EPO: variants seen among roughly 807,000 people sequenced by gnomAD.
The protein encoded by EPO is erythropoietin.
Under a neutral mutation model 24.4 loss-of-function variants are expected in EPO, and 12 were observed. The ratio of observed to expected loss-of-function variants is 0.49; its 90% CI spans 0.32 to 0.80. The LOEUF (loss-of-function observed/expected upper bound fraction) is 0.80, where lower values mean the gene tolerates loss of function less well. Ranked by LOEUF, EPO falls within the 30% of genes least tolerant of loss-of-function variation. EPO has a pLI of 0.04. For missense variants in EPO, 210 were observed against 238.0 expected (o/e 0.88, Z 0.77); for synonymous variants, 107 against 104.0 (o/e 1.03, Z -0.18).
rs529387268 is a variant in EPO, at chr7:100,721,816, A to G, written c.159+113A>G. 11 of 1,502,314 alleles carry G rather than the reference A, an allele frequency of 7.3e-6. No homozygotes were observed. In the African/African-American group the frequency reaches 1.3e-4, roughly 17 times the overall value. 93.1% of individuals were successfully genotyped at this position (1,502,314 alleles called of 1,614,324 possible). A position where few individuals can be genotyped will look rare whatever the true frequency, so the allele number is the denominator to read the frequency against. ...TTGGGGTGGAGTTGGGAAGCTAGAC[A>G]CTGCCCCCCTACATAAGAATAAGTC... On this transcript the variant is annotated intron_variant, in intron 2 of 4. Transcript: ENST00000252723. The surrounding 1 kb of genome is among the most constrained non-coding windows in gnomAD (Gnocchi z 4.0).
In EPO at chr7:100,723,186, T is replaced by C; in HGVS notation, c.*53T>C. On this transcript the variant is annotated 3_prime_UTR_variant, in exon 5 of 5. Coordinates refer to ENST00000252723, the MANE Select transcript of EPO (RefSeq NM_000799.4). ...CCACCTCCCTCACCAACATTGCTTG[T>C]GCCACACCCTCCCCCGCCACTCCTG... 6 of 1,557,036 alleles carry C rather than the reference T, an allele frequency of 3.9e-6. No individual in the cohort carries two copies. The highest frequency in any genetic ancestry group is 5.2e-6 in the Non-Finnish European group (6 of 1,151,892).
In EPO at chr7:100,721,276, C is replaced by G. The variant is rs1056627487; in HGVS notation, c.14-282C>G. 6.6e-6 allele frequency among the ~76,000 whole-genome samples: 1 copy of G among 152,148 alleles called. No individual in the cohort carries two copies. Among genetic ancestry groups the G allele is most frequent in the East Asian group, 1.9e-4 (1 of 5,182 alleles). On this transcript the variant is annotated intron_variant, in intron 1 of 4. Transcript: ENST00000252723. This position sits in a 1 kb window ranked among gnomAD's most constrained non-coding sequence, Gnocchi z 4.0. ...TGCCAGTGGAGAGGAAGCTGATAAG[C>G]TGATAACCTGGGCGCTGGAGCCACC... is the stretch of plus-strand genomic sequence containing the variant.
intron 3 of EPO, among the ~76,000 whole-genome samples, chr7:100,722,254 C>T (rs1806753224): frequency 6.6e-6 from 1 of 151,944 alleles, no homozygotes; most frequent in African/African-American, 2.4e-5. Context: ...TCAGACCAAC[C>T]TAGGCAGCAT....
chr7:100,721,276 C>T lies in EPO; in HGVS notation c.14-282C>T, dbSNP rs1056627487. Among the ~76,000 whole-genome samples, 15 of 152,148 alleles carry T rather than the reference C, an allele frequency of 9.9e-5. No homozygotes were observed. The highest frequency in any genetic ancestry group is 2.1e-4 in the Non-Finnish European group (14 of 68,038). ...TGCCAGTGGAGAGGAAGCTGATAAG[C>T]TGATAACCTGGGCGCTGGAGCCACC... On this transcript the variant is annotated intron_variant, in intron 1 of 4. Coordinates refer to ENST00000252723, the MANE Select transcript of EPO (RefSeq NM_000799.4). The surrounding 1 kb of genome is among the most constrained non-coding windows in gnomAD (Gnocchi z 4.0).
chr7:100,722,766 C>T lies in EPO; in HGVS notation c.349C>T (p.Pro117Ser), dbSNP rs1219935653. 6.2e-7 allele frequency: 1 copy of T among 1,613,918 alleles called. No individual in the cohort carries two copies. Among genetic ancestry groups the T allele is most frequent in the Non-Finnish European group, 8.5e-7 (1 of 1,180,004 alleles). ...LLVNSSQPWE[P>S]LQLHVDKAVS... is the part of the protein sequence containing the mutation. ...GGTCAACTCTTCCCAGCCGTGGGAGCCCCTGCAGCTGCATGTGGATAAAGC... is the reference window on the plus strand; with the variant it reads ...GGTCAACTCTTCCCAGCCGTGGGAGTCCCTGCAGCTGCATGTGGATAAAGC... Residue 117 changes from proline to serine, a missense_variant, in exon 4 of 5, where the codon CCC (proline) becomes TCC (serine). Coordinates refer to ENST00000252723, the MANE Select transcript of EPO (RefSeq NM_000799.4).
At position 100,722,030 on chromosome 7, in the gene EPO, T is replaced by G. The variant is rs763035217; in HGVS notation, c.228T>G (p.Tyr76Ter). ...TCCCAGACACCAAAGTTAATTTCTATGCCTGGAAGAGGATGGAGGTGAGTT... is the reference window on the plus strand; with the variant it reads ...TCCCAGACACCAAAGTTAATTTCTAGGCCTGGAAGAGGATGGAGGTGAGTT... ...ITVPDTKVNFYAWKRMEVGQQ... is the reference protein window; with the variant it reads ...ITVPDTKVNF The change falls in exon 3 of 5, where the codon TAT (tyrosine) becomes TAG (stop). Residue 76 changes from tyrosine to a stop codon, truncating the protein, a stop_gained. Transcript: ENST00000252723. LOFTEE classifies it high-confidence loss of function. The G allele has an allele frequency of 6.2e-7, 1 of 1,609,916 alleles. No individual in the cohort carries two copies. Among genetic ancestry groups the G allele is most frequent in the Admixed American group, 1.7e-5 (1 of 59,096 alleles).
chr7:100,721,901 C>T lies in EPO; in HGVS notation c.160-61C>T. The stretch of plus-strand genomic sequence containing the variant: ...GGAGCAAAGCCAGCAGATCCTACGG[C>T]CTGTGGGCCAGGGCCAGAGCCTTCA... On this transcript the variant is annotated intron_variant, in intron 2 of 4. Transcript: ENST00000252723. The surrounding 1 kb of genome is among the most constrained non-coding windows in gnomAD (Gnocchi z 4.0). 6.4e-7 allele frequency: 1 copy of T among 1,562,870 alleles called. No homozygotes were observed. Among genetic ancestry groups the T allele is most frequent in the Non-Finnish European group, 8.7e-7 (1 of 1,154,774 alleles).
At position 100,721,953 on chromosome 7, in the gene EPO, G is replaced by A. The variant is rs992203072; in HGVS notation, c.160-9G>A. On this transcript the variant is annotated splice_polypyrimidine_tract_variant and intron_variant, in intron 2 of 4. Transcript: ENST00000252723. The surrounding 1 kb of genome is among the most constrained non-coding windows in gnomAD (Gnocchi z 4.0). ...GGACCCTTGACTCCCCGGGCTGTGT[G>A]CATTTCAGACGGGCTGTGCTGAACA... The A allele has an allele frequency of 1.9e-6, 3 of 1,603,994 alleles. No homozygotes were observed. The African/African-American group carries it at 4.0e-5, about 22-fold the overall frequency.
rs375035296 is a variant in EPO, at chr7:100,723,138, G to A, written c.*5G>A. Reference sequence around the variant, plus strand: ...TGCAGGACAGGGGACAGATGACCAGGTGTGTCCACCTGGGCATATCCACCA... The same window carrying A: ...TGCAGGACAGGGGACAGATGACCAGATGTGTCCACCTGGGCATATCCACCA... On this transcript the variant is annotated 3_prime_UTR_variant, in exon 5 of 5. Transcript: ENST00000252723. 6.2e-6 allele frequency: 10 copies of A among 1,612,962 alleles called. No homozygotes were observed. In the Admixed American group the frequency reaches 6.7e-5, roughly 11 times the overall value.
In EPO at chr7:100,723,383, A is replaced by G; in HGVS notation, c.*250A>G. ...CAGGAAGCATTCAGAGAGCAGCTTT[A>G]AACTCAGGGACAGAGCCATGCTGGG... is the stretch of plus-strand genomic sequence containing the variant. On this transcript the variant is annotated 3_prime_UTR_variant, in exon 5 of 5. Transcript: ENST00000252723. 2 of 453,124 alleles carry G rather than the reference A, an allele frequency of 4.4e-6. No homozygotes were observed. The highest frequency in any genetic ancestry group is 6.3e-5 in the South Asian group (2 of 31,870). The allele number at this position is 453,124 out of a possible 1,614,324, so 28.1% of individuals were successfully genotyped here.
Position 100,720,822 on chromosome 7 carries a change from C to G in EPO, c.-159C>G. ...CCTCCCGGAGCCGGACCGGGGCCAC[C>G]GCGCCCGCTCTGCTCCGACACCGCG... On this transcript the variant is annotated 5_prime_UTR_variant, in exon 1 of 5. Transcript: ENST00000252723. The G allele has an allele frequency of 1.0e-5, 9 of 883,820 alleles. No individual in the cohort carries two copies. The highest frequency in any genetic ancestry group is 1.2e-5 in the Non-Finnish European group (8 of 655,106). 54.7% of individuals were successfully genotyped at this position (883,820 alleles called of 1,614,324 possible).
intron 3 of EPO, 33 bp downstream of exon 3, chr7:100,722,081 T>C: frequency 1.3e-6 from 2 of 1,542,582 alleles, no homozygotes; most frequent in Non-Finnish European, 1.8e-6. Context: ...TTCCTTTCTT[T>C]TGGAGAATCT....
At position 100,720,968 on chromosome 7, in the gene EPO, G is replaced by A; in HGVS notation, c.-13G>A. The A allele has an allele frequency of 1.3e-6, 2 of 1,569,562 alleles. No homozygotes were observed. Among genetic ancestry groups the A allele is most frequent in the East Asian group, 2.4e-5 (1 of 41,964 alleles). ...CGCCCCAGGTCGCTGAGGGACCCCG[G>A]CCAGGCGCGGAGATGGGGGTGCACG... On this transcript the variant is annotated 5_prime_UTR_variant, in exon 1 of 5. Transcript: ENST00000252723.
Position 100,721,632 on chromosome 7 carries a change from C to G in EPO, c.88C>G (p.Pro30Ala). Residue 30 changes from proline (P) to alanine (A), a missense_variant, in exon 2 of 5, where the codon CCA becomes GCA. Physicochemically the swap from Pro to Ala is conservative, Grantham distance 27 (BLOSUM62 -1). Coordinates refer to ENST00000252723, the MANE Select transcript of EPO (RefSeq NM_000799.4). The surrounding 1 kb of genome is among the most constrained non-coding windows in gnomAD (Gnocchi z 4.0). ...PLGLPVLGAP[P>A]RLICDSRVLE... The stretch of plus-strand genomic sequence containing the variant: ...GGGCCTCCCAGTCCTGGGCGCCCCA[C>G]CACGCCTCATCTGTGACAGCCGAGT... 3 of 1,613,892 alleles carry G rather than the reference C, an allele frequency of 1.9e-6. No individual in the cohort carries two copies. The highest frequency in any genetic ancestry group is 2.5e-6 in the Non-Finnish European group (3 of 1,180,022).
In EPO at chr7:100,721,138, A is replaced by T. The variant is rs1278339041; in HGVS notation, c.13+145A>T. 1.1e-6 allele frequency: 1 copy of T among 933,326 alleles called. No homozygotes were observed. The highest frequency in any genetic ancestry group is 1.5e-6 in the Non-Finnish European group (1 of 661,782). The allele number at this position is 933,326 out of a possible 1,614,324, so 57.8% of individuals were successfully genotyped here. A position where few individuals can be genotyped will look rare whatever the true frequency, so the allele number is the denominator to read the frequency against. On this transcript the variant is annotated intron_variant, in intron 1 of 4. Coordinates refer to ENST00000252723, the MANE Select transcript of EPO (RefSeq NM_000799.4). The surrounding 1 kb of genome is among the most constrained non-coding windows in gnomAD (Gnocchi z 4.0). Reference sequence around the variant, plus strand: ...CCCGGAAGGGGGAGGGGGGTGGGGCAGCCTCCACGTGCCAGCGGGGACTTG... The same window carrying T: ...CCCGGAAGGGGGAGGGGGGTGGGGCTGCCTCCACGTGCCAGCGGGGACTTG...
At chr7:100,722,174 C>T (rs574580055) in intron 3 of EPO, 126 bp downstream of exon 3, 26 of 858,508 alleles carry the variant, frequency 3.0e-5, no homozygotes, top group East Asian at 7.9e-5. Context: ...GCTGCCTGGG[C>T]GCAGAGGCTC....
rs933864666 is a variant in EPO, at chr7:100,720,789, C to A, written c.-192C>A. On this transcript the variant is annotated 5_prime_UTR_variant, in exon 1 of 5. Transcript: ENST00000252723. ...GGCCGCTCGCTGCGCTGCGCCGCAC[C>A]GCGCTGTCCTCCCGGAGCCGGACCG... The A allele has an allele frequency of 4.2e-5, 24 of 576,456 alleles. No homozygotes were observed. The highest frequency in any genetic ancestry group is 6.4e-5 in the Non-Finnish European group (24 of 377,324). The allele number at this position is 576,456 out of a possible 1,614,324, so 35.7% of individuals were successfully genotyped here.
intron 3 of EPO, 64 bp from the exon 4 acceptor site, chr7:100,722,600 T>A: frequency 7.0e-7 from 1 of 1,429,180 alleles, no homozygotes; most frequent in African/African-American, 1.4e-5. Context: ...TGCTTGGGGC[T>A]GCTGAGGGGC....
At position 100,723,194 on chromosome 7, in the gene EPO, C is replaced by G; in HGVS notation, c.*61C>G. Reference sequence around the variant, plus strand: ...CTCACCAACATTGCTTGTGCCACACCCTCCCCCGCCACTCCTGAACCCCGT... The same window carrying G: ...CTCACCAACATTGCTTGTGCCACACGCTCCCCCGCCACTCCTGAACCCCGT... On this transcript the variant is annotated 3_prime_UTR_variant, in exon 5 of 5. Transcript: ENST00000252723. 1 of 1,501,334 alleles carries G rather than the reference C, an allele frequency of 6.7e-7. No individual in the cohort carries two copies. Among genetic ancestry groups the G allele is most frequent in the African/African-American group, 1.4e-5 (1 of 72,612 alleles). The allele number at this position is 1,501,334 out of a possible 1,614,324, so 93.0% of individuals were successfully genotyped here. A position where few individuals can be genotyped will look rare whatever the true frequency, so the allele number is the denominator to read the frequency against.
Sources: gnomAD v4.1 joint callset for allele counts (sites outside exome capture counted in the v4.1 genomes callset) on GRCh38, gnomAD v4.1.1 for gene constraint, Gnocchi (gnomAD v3.1) non-coding constraint, MANE v1.5 for transcripts, NCBI Gene and HGNC (gene_info 2026-07-23, HGNC 2026-07-21) for gene names.